Variants in FNDC3B observed in about 807,000 individuals in gnomAD.
FNDC3B encodes the protein fibronectin type III domain-containing protein 3B.
Under a neutral mutation model 151.5 loss-of-function variants are expected in FNDC3B, and 12 were observed. That is an observed-to-expected ratio of 0.08 (90% CI 0.05 to 0.13). The LOEUF is 0.13. FNDC3B is among the 10% of genes least tolerant of loss of function. FNDC3B has a pLI of 1.00. For missense variants in FNDC3B, 1,214 were observed against 1,505.3 expected (o/e 0.81, Z 3.20); for synonymous variants, 528 against 549.0 (o/e 0.96, Z 0.54).
intron 2 of FNDC3B, among the ~76,000 whole-genome samples, chr3:172,118,364 G>A (rs1317350175): frequency 6.6e-6 from 1 of 152,178 alleles, no homozygotes; most frequent in Non-Finnish European, 1.5e-5. Context: ...TAAATATACT[G>A]ATAGCCACGG....
chr3:172,067,100 G>C (rs528166964), intron 1 of FNDC3B, among the ~76,000 whole-genome samples: 1 of 152,134 alleles, frequency 6.6e-6, no homozygotes, highest in Non-Finnish European at 1.5e-5. Context: ...ATAAGACTTG[G>C]TCCGCAGTCT....
At position 172,052,426 on chromosome 3, in the gene FNDC3B, G is replaced by A. The variant is rs1184360097; in HGVS notation, c.-29+12655G>A. On this transcript the variant is annotated intron_variant, in intron 1 of 25. Coordinates refer to ENST00000415807, the MANE Select transcript of FNDC3B (RefSeq NM_022763.4). ...TCTAGAAAGGACATTTTAAGGGACA[G>A]AAACCCTCTCCTCCCCCAAATGTGC... 2.0e-5 allele frequency among the ~76,000 whole-genome samples: 3 copies of A among 152,144 alleles called. No homozygotes were observed. In the East Asian group the frequency reaches 5.8e-4, roughly 29 times the overall value.
At chr3:172,108,185 AAAG>A (rs1199083253) in intron 1 of FNDC3B, among the ~76,000 whole-genome samples, 5 of 151,716 alleles carry the variant, frequency 3.3e-5, no homozygotes, top group Admixed American at 2.0e-4. Flanking sequence ...AGAAAAAAAA[AAAG>A]TAGAGGTGGG....
At chr3:172,161,885 A>T (rs1722790699) in intron 3 of FNDC3B, among the ~76,000 whole-genome samples, 1 of 151,902 alleles carries the variant, frequency 6.6e-6, no homozygotes, top group Non-Finnish European at 1.5e-5. Flanking sequence ...CCAGTAATGT[A>T]CCTTCTATCT....
chr3:172,312,168 A>T (rs936213021), intron 11 of FNDC3B, among the ~76,000 whole-genome samples: 4 of 152,226 alleles, frequency 2.6e-5, no homozygotes, highest in Non-Finnish European at 4.4e-5. Context: ...TGAAATTTTG[A>T]TGTGAAAGAG....
chr3:172,343,866 T>G (rs1038489439), intron 18 of FNDC3B, among the ~76,000 whole-genome samples: 1 of 152,242 alleles, frequency 6.6e-6, no homozygotes, highest in Non-Finnish European at 1.5e-5. Flanking sequence ...TCAATGTAAT[T>G]AAATAAACTT....
In FNDC3B at chr3:172,310,896, A is replaced by T. The variant is rs1731438974; in HGVS notation, c.1254+15A>T. On this transcript the variant is annotated intron_variant, in intron 11 of 25. Coordinates refer to ENST00000415807, the MANE Select transcript of FNDC3B (RefSeq NM_022763.4). ...AGTGGGATGAGGTAAGCTTATTTTC[A>T]TATTCACCCATCTAAAACACCATTT... 1 of 1,587,060 alleles carries T rather than the reference A, an allele frequency of 6.3e-7. No individual in the cohort carries two copies. Among genetic ancestry groups the T allele is most frequent in the Admixed American group, 1.7e-5 (1 of 59,950 alleles).
At chr3:172,147,802 G>C (rs1721994967) in intron 3 of FNDC3B, among the ~76,000 whole-genome samples, 1 of 151,542 alleles carries the variant, frequency 6.6e-6, no homozygotes, top group Admixed American at 6.6e-5. Context: ...ATTTGTAAGA[G>C]AAGGGTATTT....
intron 23 of FNDC3B, among the ~76,000 whole-genome samples, chr3:172,377,055 G>A (rs149605469): frequency 2.6e-5 from 4 of 152,146 alleles, no homozygotes; most frequent in African/African-American, 7.2e-5. Context: ...TTTCAAATCC[G>A]CAGAGCCTAG....
intron 1 of FNDC3B, among the ~76,000 whole-genome samples, chr3:172,077,950 C>T (rs1166159608): frequency 6.6e-6 from 1 of 152,114 alleles, no homozygotes; most frequent in East Asian, 1.9e-4. Context: ...AATTAGGGCT[C>T]ATATTTTATT....
At chr3:172,169,842 A>G (rs1559999065) in intron 3 of FNDC3B, among the ~76,000 whole-genome samples, 1 of 152,128 alleles carries the variant, frequency 6.6e-6, no homozygotes. Context: ...TAAAATTCTC[A>G]TGTGTCTTTA....
At chr3:172,132,378 A>G (rs901757311) in intron 2 of FNDC3B, among the ~76,000 whole-genome samples, 10 of 152,172 alleles carry the variant, frequency 6.6e-5, no homozygotes, top group African/African-American at 2.4e-4. Flanking sequence ...AGCCTTGTAC[A>G]TGGTGGTTTT....
intron 23 of FNDC3B, 40 bp downstream of exon 23, chr3:172,362,885 TTTGGC>T: frequency 6.7e-7 from 1 of 1,497,314 alleles, no homozygotes; most frequent in Non-Finnish European, 9.2e-7. Flanking sequence ...CTTCTGTAGC[TTTGGC>T]TTGTGGGATG....
rs781537191 is a variant in FNDC3B at position 172,397,205 on chromosome 3, C to T, written c.3345C>T (p.Leu1115=). The T allele has an allele frequency of 6.2e-7, 1 of 1,613,802 alleles. No homozygotes were observed. Among genetic ancestry groups the T allele is most frequent in the East Asian group, 2.2e-5 (1 of 44,878 alleles). ...GEEATFQISG[L]QTNTDYRFRV... Reference sequence around the variant, plus strand: ...AAGCCACATTCCAAATCTCAGGCCTCCAGACCAACACAGACTACAGGTTCC... The same window carrying T: ...AAGCCACATTCCAAATCTCAGGCCTTCAGACCAACACAGACTACAGGTTCC... Residue 1115 remains leucine (L), a synonymous_variant, in exon 26 of 26, where the codon CTC becomes CTT. Transcript: ENST00000415807.
At chr3:172,200,314 A>G (rs1471113864) in intron 3 of FNDC3B, among the ~76,000 whole-genome samples, 6 of 152,322 alleles carry the variant, frequency 3.9e-5, no homozygotes, top group African/African-American at 1.2e-4. Flanking sequence ...CCAGGAGTCA[A>G]TTTTGTTTTC....
intron 3 of FNDC3B, among the ~76,000 whole-genome samples, chr3:172,143,497 T>C (rs1317731330): frequency 6.6e-6 from 1 of 152,196 alleles, no homozygotes; most frequent in Non-Finnish European, 1.5e-5. Flanking sequence ...TAACAAATAT[T>C]TTAGGTTACT....
intron 15 of FNDC3B, chr3:172,335,720 A>G (rs1279301435): frequency 6.6e-6 from 1 of 152,286 alleles, no homozygotes; most frequent in East Asian, 1.9e-4. Context: ...CAATAAAATG[A>G]ATACAATTAG....
intron 24 of FNDC3B, among the ~76,000 whole-genome samples, chr3:172,378,741 C>T (rs1037383213): frequency 6.6e-6 from 1 of 152,122 alleles, no homozygotes; most frequent in Non-Finnish European, 1.5e-5. Context: ...GTCAGACTCC[C>T]CTTTCCTAGA....
intron 3 of FNDC3B, among the ~76,000 whole-genome samples, chr3:172,188,049 G>A (rs1576778534): frequency 6.8e-6 from 1 of 147,128 alleles, no homozygotes; most frequent in South Asian, 2.1e-4. Context: ...AGGCTGGAGT[G>A]CAATGGCGCG....
Sources: gnomAD v4.1 joint callset for allele counts (sites outside exome capture counted in the v4.1 genomes callset) on GRCh38, gnomAD v4.1.1 for gene constraint, MANE v1.5 for transcripts, NCBI Gene and HGNC (gene_info 2026-07-23, HGNC 2026-07-21) for gene names.